ECT2: variants seen among roughly 807,000 people sequenced by gnomAD.
ECT2 encodes the protein epithelial cell transforming 2.
Under a neutral mutation model 116.9 loss-of-function variants are expected in ECT2, and 61 were observed. The observed-to-expected ratio is 0.52, with a 90% CI of 0.42 to 0.65. The LOEUF is 0.65. Ranked by LOEUF, ECT2 falls within the 30% of genes least tolerant of loss-of-function variation. The pLI is 0.00. For synonymous variants in ECT2, 358 were observed against 346.4 expected, an observed-to-expected ratio of 1.03 and a Z score of -0.37; for missense variants, 937 against 1,078.7, an observed-to-expected ratio of 0.87 and a Z score of 1.84.
intron 22 of ECT2, among the ~76,000 whole-genome samples, chr3:172,811,415 G>T (rs2109232328): frequency 6.6e-6 from 1 of 152,108 alleles, no homozygotes; most frequent in East Asian, 1.9e-4. Context: ...TTAGCCACTA[G>T]TGAACTAGCA....
intron 18 of ECT2, among the ~76,000 whole-genome samples, chr3:172,797,585 T>TGCA (rs1232398637): frequency 6.6e-6 from 1 of 152,230 alleles, no homozygotes; most frequent in African/African-American, 2.4e-5. Context: ...GCAGTTACTG[T>TGCA]GTAACATTGT....
At chr3:172,789,997 A>C (rs370494629) in intron 18 of ECT2, among the ~76,000 whole-genome samples, 2 of 147,576 alleles carry the variant, frequency 1.4e-5, no homozygotes, top group African/African-American at 2.5e-5. Context: ...ACGATTCACA[A>C]ATTTTTTTTT....
chr3:172,784,882 A>C, intron 17 of ECT2, 79 bp downstream of exon 17: 4 of 904,226 alleles, frequency 4.4e-6, no homozygotes, highest in Non-Finnish European at 5.1e-6. Context: ...ATTTCTTCTC[A>C]TTTTTAGAGT....
At chr3:172,793,444 C>T (rs867271351) in intron 18 of ECT2, among the ~76,000 whole-genome samples, 10 of 151,838 alleles carry the variant, frequency 6.6e-5, no homozygotes, top group Admixed American at 1.3e-4. Context: ...TGAGCCCCCG[C>T]GCCCAGCCTA....
chr3:172,768,711 C>T (rs1325848548), intron 12 of ECT2, among the ~76,000 whole-genome samples: 3 of 152,150 alleles, frequency 2.0e-5, no homozygotes, highest in South Asian at 4.1e-4. Flanking sequence ...GGTTGTCTCT[C>T]TCTAGTCTTC....
chr3:172,786,977 G>A (rs1723709985), intron 18 of ECT2, among the ~76,000 whole-genome samples: 1 of 152,098 alleles, frequency 6.6e-6, no homozygotes, highest in Non-Finnish European at 1.5e-5. Flanking sequence ...TAAACTTTTT[G>A]TTTTCTACCT....
rs74383880 is a variant in ECT2 at position 172,820,407 on chromosome 3, T to C, written c.*170T>C. On this transcript the variant is annotated 3_prime_UTR_variant, in exon 25 of 25. Coordinates refer to ENST00000392692, the MANE Select transcript of ECT2 (RefSeq NM_001258315.2). ...TCTTGAAAGAGTAAGGTTTACCTGT[T>C]ACATTTTCAAGTTAATTCATGTAAA... The C allele has an allele frequency of 5.0e-3, 1,970 of 394,884 alleles. 43 individuals carry two copies. Among genetic ancestry groups the C allele is most frequent in the African/African-American group, 0.036 (1,738 of 48,326 alleles). The allele number at this position is 394,884 out of a possible 1,614,324, so 24.5% of individuals were successfully genotyped here. A position where few individuals can be genotyped will look rare whatever the true frequency, so the allele number is the denominator to read the frequency against.
At chr3:172,813,110 A>C (rs1174360793) in intron 22 of ECT2, among the ~76,000 whole-genome samples, 1 of 152,094 alleles carries the variant, frequency 6.6e-6, no homozygotes, top group Admixed American at 6.6e-5. Context: ...CCAACCAAAA[A>C]CTATTAGAAT....
intron 14 of ECT2, among the ~76,000 whole-genome samples, chr3:172,774,807 G>C (rs1378751929): frequency 6.6e-6 from 1 of 152,068 alleles, no homozygotes; most frequent in Non-Finnish European, 1.5e-5. Flanking sequence ...CCTAACCTTT[G>C]TTTGCTGTTT....
chr3:172,828,975 T>G, the ECT2 span: 5 of 1,255,144 alleles, frequency 4.0e-6, no homozygotes, highest in East Asian at 1.2e-4. Flanking sequence ...ATAAATTGGT[T>G]GCTGTGTCAA....
At chr3:172,776,166 T>C (rs1287341800) in intron 14 of ECT2, among the ~76,000 whole-genome samples, 1 of 151,266 alleles carries the variant, frequency 6.6e-6, no homozygotes, top group Non-Finnish European at 1.5e-5. Flanking sequence ...TTTTGTAAAA[T>C]GGTACTTCAA....
At chr3:172,807,653 G>A in intron 21 of ECT2, 117 bp from the exon 22 acceptor site, 1 of 1,170,424 alleles carries the variant, frequency 8.5e-7, no homozygotes, top group Admixed American at 2.5e-5. Context: ...CAAGGAAAGT[G>A]GAGAAGTGAT....
intron 13 of ECT2, among the ~76,000 whole-genome samples, chr3:172,770,747 A>G (rs1720469851): frequency 1.3e-5 from 2 of 152,200 alleles, no homozygotes; most frequent in Non-Finnish European, 2.9e-5. Flanking sequence ...AAATTAAATG[A>G]ATATCCAGAG....
chr3:172,757,203 A>G, intron 5 of ECT2, 38 bp downstream of exon 5: 1 of 1,358,142 alleles, frequency 7.4e-7, no homozygotes, highest in Admixed American at 2.9e-5. Flanking sequence ...TCAAGTTAAA[A>G]TTTTTATTAA....
At chr3:172,787,207 T>C (rs1723755177) in intron 18 of ECT2, among the ~76,000 whole-genome samples, 1 of 152,170 alleles carries the variant, frequency 6.6e-6, no homozygotes, top group Non-Finnish European at 1.5e-5. Flanking sequence ...GAAGGCACTT[T>C]AAGTGGACTG....
chr3:172,824,823 A>G (rs1007744256), downstream of ECT2, among the ~76,000 whole-genome samples: 2 of 152,182 alleles, frequency 1.3e-5, no homozygotes, highest in African/African-American at 4.8e-5. Flanking sequence ...TTCTACTACC[A>G]CAATGATGTT....
intron 14 of ECT2, 30 bp downstream of exon 14, chr3:172,774,052 AT>A: frequency 8.2e-6 from 13 of 1,594,638 alleles, no homozygotes; most frequent in Non-Finnish European, 1.1e-5. Flanking sequence ...ATTGGTAGTA[AT>A]TTTTTTCAGA....
intron 23 of ECT2, 39 bp downstream of exon 23, chr3:172,815,750 C>T: frequency 8.0e-7 from 1 of 1,254,940 alleles, no homozygotes; most frequent in Admixed American, 1.9e-5. Flanking sequence ...ACATCTCTAA[C>T]ATATTTTCCA....
rs1729568967 is a variant in ECT2, at chr3:172,815,668, C to A, written c.2465C>A (p.Thr822Lys). 7.5e-6 allele frequency: 12 copies of A among 1,605,962 alleles called. No individual in the cohort carries two copies. The East Asian group carries it at 2.5e-4, about 33-fold the overall frequency. ...FEVNTKDMDS[T>K]LSRASRAIKK... ...GTAAATACAAAAGATATGGACAGTA[C>A]ATTGAGTAGAGCATCAAGAGCAATA... Residue 822 changes from threonine (T) to lysine (K), a missense_variant, in exon 23 of 25, where the codon ACA (threonine) becomes AAA (lysine). Physicochemically the swap from Thr to Lys is moderately conservative, Grantham distance 78 (BLOSUM62 -1). Coordinates refer to ENST00000392692, the MANE Select transcript of ECT2 (RefSeq NM_001258315.2).
Sources: allele counts gnomAD v4.1 joint callset (sites outside exome capture counted in the v4.1 genomes callset), GRCh38; gene constraint gnomAD v4.1.1; transcripts MANE v1.5; gene names NCBI Gene and HGNC (gene_info 2026-07-23, HGNC 2026-07-21).